Variants in PTCHD4 observed in about 807,000 individuals in gnomAD.
PTCHD4 encodes patched domain-containing protein 4.
A neutral mutation model predicts 58.1 loss-of-function variants in PTCHD4; 33 were observed. That is an observed-to-expected ratio of 0.57 (90% confidence interval 0.43 to 0.76). The LOEUF (loss-of-function observed/expected upper bound fraction) is 0.76, where lower values mean the gene tolerates loss of function less well. Among genes scored for constraint, PTCHD4 ranks in the 30% least tolerant of loss-of-function variants. The pLI, the probability that PTCHD4 is intolerant of heterozygous loss-of-function variation, is 0.00. For synonymous variants in PTCHD4, 478 were observed against 409.6 expected (o/e 1.17, Z -2.02); for missense variants, 1,058 against 1,027.1 (o/e 1.03, Z -0.41).
chr6:48,104,003 T>A (rs1765663451), intron 1 of PTCHD4, among the ~76,000 whole-genome samples: 1 of 152,186 alleles, frequency 6.6e-6, no homozygotes, highest in South Asian at 2.1e-4. Flanking sequence ...ACAGGGAGAA[T>A]GGAACCAAGT....
chr6:47,878,672 G>T lies in PTCHD4; in HGVS notation c.2163C>A (p.Phe721Leu), dbSNP rs751068828. The change falls in exon 5 of 5, where the codon TTC becomes TTA. Residue 721 changes from phenylalanine to leucine, a missense_variant. Transcript: ENST00000339488. ...SILCLIYTLNFAIDHCAPLLF... is the reference protein window; with the variant it reads ...SILCLIYTLNLAIDHCAPLLF... Reference sequence around the variant, plus strand: ...GCAGTGGTGCACAGTGGTCAATGGCGAAATTCAAGGTGTAGATAAGGCACA... The same window carrying T: ...GCAGTGGTGCACAGTGGTCAATGGCTAAATTCAAGGTGTAGATAAGGCACA... 1 of 1,613,560 alleles carries T rather than the reference G, an allele frequency of 6.2e-7. No homozygotes were observed. Among genetic ancestry groups the T allele is most frequent in the Non-Finnish European group, 8.5e-7 (1 of 1,179,736 alleles).
chr6:47,886,182 G>A (rs1764190499), intron 4 of PTCHD4, among the ~76,000 whole-genome samples: 1 of 146,016 alleles, frequency 6.8e-6, no homozygotes, highest in South Asian at 2.1e-4. Flanking sequence ...TTTTACAGTT[G>A]CCATTTTAAT....
In PTCHD4 at chr6:47,858,866, T is replaced by C. The variant is rs774174984; in HGVS notation, c.*19437A>G. 1.3e-5 allele frequency among the ~76,000 whole-genome samples: 2 copies of C among 152,194 alleles called. No individual in the cohort carries two copies. Among genetic ancestry groups the C allele is most frequent in the African/African-American group, 2.4e-5 (1 of 41,562 alleles). On this transcript the variant is annotated 3_prime_UTR_variant, in exon 5 of 5. Transcript: ENST00000339488. ...TATGCTTCCTATAATCCTTCTTGAA[T>C]CTATGAATTTAAACTACCCCATTTC...
rs975156176 is a variant in PTCHD4 at position 47,867,395 on chromosome 6, G to T, written c.*10908C>A. Among the ~76,000 whole-genome samples, 2 of 151,610 alleles carry T rather than the reference G, an allele frequency of 1.3e-5. No homozygotes were observed. Among genetic ancestry groups the T allele is most frequent in the Admixed American group, 1.3e-4 (2 of 15,196 alleles). ...AGTTTTGGGATCCTTGATTTTAACA[G>T]TTAAAATTCAAAAATAGAGACTGTG... is the stretch of plus-strand genomic sequence containing the variant. On this transcript the variant is annotated 3_prime_UTR_variant, in exon 5 of 5. Transcript: ENST00000339488.
At chr6:48,026,031 G>A (rs1763232410) in intron 3 of PTCHD4, among the ~76,000 whole-genome samples, 1 of 152,178 alleles carries the variant, frequency 6.6e-6, no homozygotes, top group African/African-American at 2.4e-5. Flanking sequence ...GTATGAACCT[G>A]AGGGAGACAT....
intron 4 of PTCHD4, among the ~76,000 whole-genome samples, chr6:47,906,516 G>A (rs1027262295): frequency 3.3e-5 from 5 of 152,288 alleles, no homozygotes; most frequent in Admixed American, 2.0e-4. Flanking sequence ...GCAGGATAGA[G>A]TACTGATTAA....
chr6:47,895,992 G>A (rs879824610), intron 4 of PTCHD4, among the ~76,000 whole-genome samples: 22 of 152,078 alleles, frequency 1.4e-4, no homozygotes, highest in Admixed American at 6.5e-4. Flanking sequence ...AGTGTCATGC[G>A]GATAGTGGGC....
intron 3 of PTCHD4, among the ~76,000 whole-genome samples, chr6:48,039,822 A>G (rs1763780276): frequency 2.0e-5 from 3 of 152,142 alleles, no homozygotes; most frequent in Admixed American, 2.0e-4. Flanking sequence ...AACACTTTTT[A>G]TCAAGGACTC....
rs764003030 is a variant in PTCHD4, at chr6:48,068,256, T to C, written c.391A>G (p.Thr131Ala). 3.8e-6 allele frequency: 6 copies of C among 1,589,868 alleles called. No individual in the cohort carries two copies. In the African/African-American group the frequency reaches 8.1e-5, roughly 21 times the overall value. ...TTCATTTCCAGCACGGCTCGGTGGG[T>C]CTGCAGGATCCCCTCAGCCTGGAGC... ...ILLQAEGILQ[T>A]HRAVLEMKDG... Residue 131 changes from threonine to alanine, a missense_variant, in exon 3 of 5, where the codon ACC becomes GCC. Physicochemically the swap from Thr to Ala is moderately conservative, Grantham distance 58 (BLOSUM62 0). Transcript: ENST00000339488. The surrounding 1 kb of genome is among the most constrained non-coding windows in gnomAD (Gnocchi z 4.2).
At chr6:47,944,711 A>G (rs922196492) in intron 4 of PTCHD4, among the ~76,000 whole-genome samples, 1 of 152,084 alleles carries the variant, frequency 6.6e-6, no homozygotes, top group African/African-American at 2.4e-5. Flanking sequence ...TCTGTTTGCA[A>G]TGAAACTTGG....
At chr6:47,957,527 C>A (rs115797364) in intron 4 of PTCHD4, among the ~76,000 whole-genome samples, 85 of 151,050 alleles carry the variant, frequency 5.6e-4, no homozygotes, top group African/African-American at 2.0e-3. Context: ...CTCCCTCCAG[C>A]CCAAGAAATA....
At chr6:48,093,294 T>G (rs1163760572) in intron 1 of PTCHD4, among the ~76,000 whole-genome samples, 2 of 152,154 alleles carry the variant, frequency 1.3e-5, no homozygotes, top group Non-Finnish European at 2.9e-5. Context: ...AAAGGTGAAG[T>G]GACTTGCCCA....
chr6:48,070,846 G>C (rs1288795773), intron 1 of PTCHD4, among the ~76,000 whole-genome samples: 1 of 152,076 alleles, frequency 6.6e-6, no homozygotes, highest in Non-Finnish European at 1.5e-5. Context: ...GAAAGTTTTG[G>C]CTATACAGCA....
At chr6:48,031,561 A>G (rs112047545) in intron 3 of PTCHD4, among the ~76,000 whole-genome samples, 9,195 of 152,236 alleles carry the variant, frequency 0.06, 309 homozygotes, top group Non-Finnish European at 0.065. Context: ...GGCTAAAGCC[A>G]TACCTGTCCA....
chr6:48,075,918 A>G (rs758626283), intron 1 of PTCHD4, among the ~76,000 whole-genome samples: 23 of 152,346 alleles, frequency 1.5e-4, no homozygotes, highest in Non-Finnish European at 2.2e-4. Flanking sequence ...ATAAGACAAC[A>G]ATGACGTTTG....
At chr6:47,945,979 T>C (rs1766403446) in intron 4 of PTCHD4, among the ~76,000 whole-genome samples, 1 of 151,912 alleles carries the variant, frequency 6.6e-6, no homozygotes. Context: ...AATTTTTCTT[T>C]AACCCACAAT....
Position 47,861,701 on chromosome 6 carries a change from ACT to A in PTCHD4, c.*16600_*16601del, listed in dbSNP as rs1173369474. Among the ~76,000 whole-genome samples the A allele has an allele frequency of 6.6e-6, 1 of 151,906 alleles. No individual in the cohort carries two copies. The highest frequency in any genetic ancestry group is 2.4e-5 in the African/African-American group (1 of 41,426). On this transcript the variant is annotated 3_prime_UTR_variant, in exon 5 of 5. Transcript: ENST00000339488. ...GTTAATAGCAGGCAAATAAATAATA[ACT>A]CTAGTTTTGCCAATGTCTCATAACA...
chr6:47,973,880 G>T (rs1048479122), intron 4 of PTCHD4, among the ~76,000 whole-genome samples: 6 of 152,112 alleles, frequency 3.9e-5, no homozygotes, highest in Non-Finnish European at 7.4e-5. Flanking sequence ...ATTACTTTGG[G>T]TTAAGCATAT....
intron 4 of PTCHD4, among the ~76,000 whole-genome samples, chr6:47,970,563 ACT>A (rs1489150386): frequency 6.6e-6 from 1 of 152,092 alleles, no homozygotes; most frequent in African/African-American, 2.4e-5. Flanking sequence ...TGAGGTTTCT[ACT>A]CTGATGAAAT....
Sources: allele counts gnomAD v4.1 joint callset (sites outside exome capture counted in the v4.1 genomes callset), GRCh38; gene constraint gnomAD v4.1.1; non-coding constraint Gnocchi (gnomAD v3.1); transcripts MANE v1.5; gene names NCBI Gene and HGNC (gene_info 2026-07-23, HGNC 2026-07-21).